Variants in ADCK5 observed in about 807,000 individuals in gnomAD.
The protein encoded by ADCK5 is aarF domain containing kinase 5.
In ADCK5, 43 loss-of-function variants were observed where a neutral mutation model predicts 64.9. The ratio of observed to expected loss-of-function variants is 0.66; its 90% CI spans 0.52 to 0.85. ADCK5 has a LOEUF of 0.85. Among genes scored for constraint, ADCK5 ranks in the 40% least tolerant of loss-of-function variants. The pLI is 0.00. For missense variants in ADCK5, 760 were observed against 810.5 expected, an observed-to-expected ratio of 0.94 and a Z score of 0.76; for synonymous variants, 434 against 342.8, an observed-to-expected ratio of 1.27 and a Z score of -2.94.
At chr8:144,381,099 C>T (rs2116846625) in intron 2 of ADCK5, among the ~76,000 whole-genome samples, 155 of 34,760 alleles carry the variant, frequency 4.5e-3, no homozygotes, top group East Asian at 6.6e-3. Flanking sequence ...GATTATGGGC[C>T]GGGTGTAGAA....
rs2130683036 is a variant in ADCK5 at position 144,376,777 on chromosome 8, T to A, written c.13-2610T>A. 6.6e-6 allele frequency among the ~76,000 whole-genome samples: 1 copy of A among 152,306 alleles called. No homozygotes were observed. Among genetic ancestry groups the A allele is most frequent in the South Asian group, 2.1e-4 (1 of 4,830 alleles). ...TGATCTCGGGGCCTCTAGCCATGCA[T>A]GCACTGGCACCAGAGGTGGCTAGGG... On this transcript the variant is annotated intron_variant, in intron 1 of 14. Transcript: ENST00000308860. This position sits in a 1 kb window ranked among gnomAD's most constrained non-coding sequence, Gnocchi z 5.1.
chr8:144,388,965 C>T (rs899063237), intron 3 of ADCK5, among the ~76,000 whole-genome samples: 2 of 152,144 alleles, frequency 1.3e-5, no homozygotes, highest in African/African-American at 4.8e-5. Context: ...CTTCACAGAA[C>T]GCAGGGACAG....
intron 3 of ADCK5, among the ~76,000 whole-genome samples, chr8:144,388,343 C>T (rs1820019247): frequency 1.4e-5 from 2 of 145,502 alleles, no homozygotes; most frequent in South Asian, 2.2e-4. Context: ...GGCGACAGAG[C>T]GAGATTCCAT....
In ADCK5 at chr8:144,392,007, C is replaced by T; in HGVS notation, c.1081C>T (p.Pro361Ser). 6.2e-7 allele frequency: 1 copy of T among 1,612,734 alleles called. No individual in the cohort carries two copies. The highest frequency in any genetic ancestry group is 8.5e-7 in the Non-Finnish European group (1 of 1,179,958). The change falls in exon 10 of 15, where the codon CCA (proline) becomes TCA (serine). Residue 361 changes from proline to serine, a missense_variant. Physicochemically the swap from Pro to Ser is moderately conservative, Grantham distance 74. Transcript: ENST00000308860. ...IFYTGFIHSD[P>S]HPGNVLVRKG... ...TTACACCGGCTTCATCCACTCGGAC[C>T]CACATCCTGGCAACGGTAGGAATTT... is the stretch of plus-strand genomic sequence containing the variant.
Position 144,384,891 on chromosome 8 carries a change from C to G in ADCK5, c.266+1661C>G, listed in dbSNP as rs1023665977. Among the ~76,000 whole-genome samples the G allele has an allele frequency of 3.9e-5, 6 of 152,204 alleles. No individual in the cohort carries two copies. The highest frequency in any genetic ancestry group is 4.4e-5 in the Non-Finnish European group (3 of 68,036). ...TTTTCCCAGCAGTCTGCACGTTCTC[C>G]TTGGCTCTAAGCCGTCACGGTTGCA... On this transcript the variant is annotated intron_variant, in intron 3 of 14. Coordinates refer to ENST00000308860, the MANE Select transcript of ADCK5 (RefSeq NM_174922.5). This position sits in a 1 kb window ranked among gnomAD's most constrained non-coding sequence, Gnocchi z 5.7.
chr8:144,374,060 G>C lies in ADCK5; in HGVS notation c.-36G>C. ...CTGCTGGGCTGCGAGACGCTAAGCG[G>C]CGCCGGGCGGGAGAAGAGCGGAGCA... On this transcript the variant is annotated 5_prime_UTR_variant, in exon 1 of 15. Coordinates refer to ENST00000308860, the MANE Select transcript of ADCK5 (RefSeq NM_174922.5). The C allele has an allele frequency of 2.4e-6, 3 of 1,245,740 alleles. No homozygotes were observed. Among genetic ancestry groups the C allele is most frequent in the Non-Finnish European group, 2.0e-6 (2 of 988,390 alleles). 77.2% of individuals were successfully genotyped at this position (1,245,740 alleles called of 1,614,324 possible). A position where few individuals can be genotyped will look rare whatever the true frequency, so the allele number is the denominator to read the frequency against.
intron 3 of ADCK5, among the ~76,000 whole-genome samples, chr8:144,385,161 T>C (rs1276375613): frequency 6.6e-6 from 1 of 151,640 alleles, no homozygotes; most frequent in East Asian, 1.9e-4. Context: ...GCCCTGTCTT[T>C]AATCTCTGCC....
chr8:144,387,393 A>G (rs1819970342), intron 3 of ADCK5, among the ~76,000 whole-genome samples: 1 of 151,974 alleles, frequency 6.6e-6, no homozygotes, highest in Non-Finnish European at 1.5e-5. Context: ...TCCACCCAGC[A>G]GTTTGTTTGT....
intron 1 of ADCK5, among the ~76,000 whole-genome samples, chr8:144,378,924 C>T (rs1397547810): frequency 6.6e-6 from 1 of 151,128 alleles, no homozygotes. Flanking sequence ...CCCAGTCTTG[C>T]TTGGGTAGTT....
chr8:144,374,044 T>G (rs1229033193), upstream of ADCK5: 5 of 1,243,816 alleles, frequency 4.0e-6, no homozygotes, highest in Non-Finnish European at 5.1e-6. Flanking sequence ...CCTGCTGGGC[T>G]GCGAGACGCT....
At chr8:144,375,436 A>G in intron 1 of ADCK5, 1 of 984,410 alleles carries the variant, frequency 1.0e-6, no homozygotes, top group Non-Finnish European at 1.2e-6. Context: ...TGGGTTCCCC[A>G]GGCTCTGGTC....
At chr8:144,375,511 G>C in intron 1 of ADCK5, 1 of 985,432 alleles carries the variant, frequency 1.0e-6, no homozygotes, top group Non-Finnish European at 1.2e-6. Context: ...TCACTGCTGC[G>C]GCCGGGCCTG....
At chr8:144,377,719 G>A in intron 1 of ADCK5, among the ~76,000 whole-genome samples, 1 of 152,240 alleles carries the variant, frequency 6.6e-6, no homozygotes, top group East Asian at 1.9e-4. Context: ...AGATGTACAG[G>A]GTCCCTGTCT....
chr8:144,375,856 G>A (rs966614116), intron 1 of ADCK5, among the ~76,000 whole-genome samples: 6 of 152,218 alleles, frequency 3.9e-5, no homozygotes, highest in East Asian at 1.9e-4. Context: ...CACCAGGGCC[G>A]TCTCAGGTGT....
chr8:144,380,864 C>T (rs2116845559), intron 2 of ADCK5, among the ~76,000 whole-genome samples: 51 of 113,658 alleles, frequency 4.5e-4, no homozygotes, highest in Middle Eastern at 6.8e-3. Context: ...AGGCACCTGC[C>T]GCACTAAGGA....
chr8:144,385,797 A>T (rs1554859175), intron 3 of ADCK5, among the ~76,000 whole-genome samples: 1 of 151,026 alleles, frequency 6.6e-6, no homozygotes, highest in African/African-American at 2.4e-5. Context: ...CCCCGTCTCT[A>T]CTAAAAAATA....
At chr8:144,388,622 G>C (rs1364925607) in intron 3 of ADCK5, among the ~76,000 whole-genome samples, 2 of 151,592 alleles carry the variant, frequency 1.3e-5, no homozygotes, top group Admixed American at 1.3e-4. Context: ...AAAATTAGCC[G>C]GGCGTGGTGT....
In ADCK5 at chr8:144,391,192, TTGAC is replaced by T; in HGVS notation, c.604_607del (p.Asp202ThrfsTer25). On this transcript the variant is annotated frameshift_variant, in exon 6 of 15. Coordinates refer to ENST00000308860, the MANE Select transcript of ADCK5 (RefSeq NM_174922.5). LOFTEE classifies it high-confidence loss of function. Reference sequence around the variant, plus strand: ...CTCCCCCACGAGCTCTTCCAGGAGTTTGACTACCAGCCAATTGCTGCCGCCAGCC... The same window carrying T: ...CTCCCCCACGAGCTCTTCCAGGAGTTTACCAGCCAATTGCTGCCGCCAGCC... 1 of 1,612,482 alleles carries T rather than the reference TTGAC, an allele frequency of 6.2e-7. No homozygotes were observed. The highest frequency in any genetic ancestry group is 8.5e-7 in the Non-Finnish European group (1 of 1,180,008).
At chr8:144,378,448 C>T (rs988601074) in intron 1 of ADCK5, among the ~76,000 whole-genome samples, 4 of 151,974 alleles carry the variant, frequency 2.6e-5, no homozygotes, top group African/African-American at 9.7e-5. Context: ...TTTGCCCTCT[C>T]GCTTGCTCTC....
Sources: gnomAD v4.1 joint callset for allele counts (sites outside exome capture counted in the v4.1 genomes callset) on GRCh38, gnomAD v4.1.1 for gene constraint, Gnocchi (gnomAD v3.1) non-coding constraint, MANE v1.5 for transcripts, NCBI Gene and HGNC (gene_info 2026-07-23, HGNC 2026-07-21) for gene names.